Variants in TGFA observed in about 807,000 individuals in gnomAD.
TGFA encodes transforming growth factor alpha.
A neutral mutation model predicts 21.7 loss-of-function variants in TGFA; 12 were observed. The observed-to-expected ratio is 0.55, with a 90% CI of 0.35 to 0.90. The LOEUF (loss-of-function observed/expected upper bound fraction) is 0.90. TGFA is among the 40% of genes least tolerant of loss of function. The probability of loss-of-function intolerance (pLI) is 0.01; values close to 1 mark genes in which losing one functional copy is unlikely to be tolerated. For missense variants in TGFA, 178 were observed against 210.8 expected (o/e 0.84, Z 0.96); for synonymous variants, 79 against 88.1 (o/e 0.90, Z 0.58).
chr2:70,510,597 C>A (rs782765553), intron 2 of TGFA, among the ~76,000 whole-genome samples: 1 of 152,144 alleles, frequency 6.6e-6, no homozygotes, highest in Non-Finnish European at 1.5e-5. Flanking sequence ...AAAACTGAGA[C>A]CAAATGGCCC....
At chr2:70,527,693 A>G (rs1672680869) in intron 1 of TGFA, among the ~76,000 whole-genome samples, 1 of 152,230 alleles carries the variant, frequency 6.6e-6, no homozygotes, top group Non-Finnish European at 1.5e-5. Flanking sequence ...ACACCAATGC[A>G]GGATGTTAAT....
At position 70,550,858 on chromosome 2, in the gene TGFA, C is replaced by CA. The variant is rs1479283576; in HGVS notation, c.40+2869dup. Among the ~76,000 whole-genome samples the CA allele has an allele frequency of 4.6e-5, 7 of 152,208 alleles. No individual in the cohort carries two copies. The South Asian group carries it at 6.2e-4, about 14-fold the overall frequency. ...ACCAAAAAAACAAAAGAAAACAAAA[C>CA]AAAAAAACCCTCCAGATTTGCTTGA... On this transcript the variant is annotated intron_variant, in intron 1 of 5. Coordinates refer to ENST00000295400, the MANE Select transcript of TGFA (RefSeq NM_003236.4).
At chr2:70,518,728 G>A (rs1389690152) in intron 1 of TGFA, among the ~76,000 whole-genome samples, 1 of 152,132 alleles carries the variant, frequency 6.6e-6, no homozygotes, top group Admixed American at 6.5e-5. Flanking sequence ...CATTGGCCTG[G>A]TGACCACCTC....
At chr2:70,510,997 C>T (rs1178426900) in intron 2 of TGFA, among the ~76,000 whole-genome samples, 1 of 152,012 alleles carries the variant, frequency 6.6e-6, no homozygotes, top group Non-Finnish European at 1.5e-5. Context: ...AAAAAAAATG[C>T]ACAAGAAAGC....
At chr2:70,480,513 C>T (rs1477291036) in intron 2 of TGFA, among the ~76,000 whole-genome samples, 1 of 152,058 alleles carries the variant, frequency 6.6e-6, no homozygotes, top group African/African-American at 2.4e-5. Flanking sequence ...GTAGATTGGA[C>T]TAAGGGAGGA....
intron 1 of TGFA, among the ~76,000 whole-genome samples, chr2:70,544,484 A>G (rs1049561087): frequency 3.3e-5 from 5 of 152,182 alleles, no homozygotes; most frequent in African/African-American, 1.2e-4. Flanking sequence ...ATGAAAAAAA[A>G]GCTTTTATAT....
chr2:70,495,245 T>G (rs1190575698), intron 2 of TGFA, among the ~76,000 whole-genome samples: 1 of 152,202 alleles, frequency 6.6e-6, no homozygotes, highest in African/African-American at 2.4e-5. Context: ...CATAACTGGG[T>G]TTCTTTTGGA....
chr2:70,553,645 AC>A lies in TGFA; in HGVS notation c.40+82del, dbSNP rs1486594453. 5 of 1,300,048 alleles carry A rather than the reference AC, an allele frequency of 3.8e-6. No homozygotes were observed. In the African/African-American group the frequency reaches 4.6e-5, roughly 12 times the overall value. The allele number at this position is 1,300,048 out of a possible 1,614,324, so 80.5% of individuals were successfully genotyped here. A position where few individuals can be genotyped will look rare whatever the true frequency, so the allele number is the denominator to read the frequency against. Reference sequence around the variant, plus strand: ...TCCACTCTCCCAGGCGGGCGCAGAAACCCCCGGAAAGGGGAACTCGGCGGGG... The same window carrying A: ...TCCACTCTCCCAGGCGGGCGCAGAAACCCCGGAAAGGGGAACTCGGCGGGG... On this transcript the variant is annotated intron_variant, in intron 1 of 5. Transcript: ENST00000295400.
chr2:70,500,942 T>G (rs1197561291), intron 2 of TGFA, among the ~76,000 whole-genome samples: 1 of 150,160 alleles, frequency 6.7e-6, no homozygotes, highest in African/African-American at 2.5e-5. Flanking sequence ...TATTTTGTTT[T>G]TGTTGCCTGT....
intron 1 of TGFA, among the ~76,000 whole-genome samples, chr2:70,551,369 C>T (rs1281208311): frequency 6.6e-6 from 1 of 152,206 alleles, no homozygotes; most frequent in African/African-American, 2.4e-5. Context: ...ATTTGGGCAA[C>T]AGTCTTCACA....
chr2:70,513,398 A>G (rs949694150), intron 2 of TGFA, among the ~76,000 whole-genome samples: 9 of 152,208 alleles, frequency 5.9e-5, no homozygotes, highest in African/African-American at 1.9e-4. Context: ...TCCTTTGTGG[A>G]TGGGAGGTAA....
At chr2:70,545,216 G>C (rs1280208378) in intron 1 of TGFA, among the ~76,000 whole-genome samples, 3 of 151,956 alleles carry the variant, frequency 2.0e-5, no homozygotes, top group African/African-American at 7.3e-5. Context: ...AGGACACGAA[G>C]GAGACGAAGG....
intron 2 of TGFA, 134 bp downstream of exon 2, chr2:70,514,725 G>T: frequency 2.1e-6 from 2 of 934,684 alleles, no homozygotes; most frequent in Non-Finnish European, 3.4e-6. Flanking sequence ...CCTGAGGAGG[G>T]GGCAGAGAGG....
chr2:70,516,344 C>T (rs1553501600), intron 1 of TGFA, among the ~76,000 whole-genome samples: 1 of 152,158 alleles, frequency 6.6e-6, no homozygotes, highest in African/African-American at 2.4e-5. Flanking sequence ...AGGGTGTAGA[C>T]ACAGAAGTCC....
chr2:70,514,207 T>C (rs1273445305), intron 2 of TGFA, among the ~76,000 whole-genome samples: 3 of 152,048 alleles, frequency 2.0e-5, no homozygotes, highest in African/African-American at 7.2e-5. Context: ...GCCCCAACAT[T>C]TGAGCTTAAA....
At chr2:70,521,570 A>G (rs1324472744) in intron 1 of TGFA, among the ~76,000 whole-genome samples, 1 of 151,258 alleles carries the variant, frequency 6.6e-6, no homozygotes, top group Admixed American at 6.6e-5. Flanking sequence ...AACATGCAAC[A>G]AATGGTAGCT....
At chr2:70,482,265 T>C (rs770573918) in intron 2 of TGFA, among the ~76,000 whole-genome samples, 20 of 152,226 alleles carry the variant, frequency 1.3e-4, no homozygotes, top group Non-Finnish European at 2.5e-4. Flanking sequence ...ATAAAAGCCC[T>C]GTGATATAGG....
chr2:70,501,245 C>CT (rs1206433472), intron 2 of TGFA, among the ~76,000 whole-genome samples: 1 of 148,874 alleles, frequency 6.7e-6, no homozygotes, highest in Non-Finnish European at 1.5e-5. Context: ...TTAAAGTGCT[C>CT]TTTGCTTGCA....
intron 1 of TGFA, among the ~76,000 whole-genome samples, chr2:70,550,320 A>G (rs1243771602): frequency 6.6e-6 from 1 of 152,078 alleles, no homozygotes; most frequent in Non-Finnish European, 1.5e-5. Flanking sequence ...ATCTCATTTG[A>G]GTCTTACAAC....
Sources: gnomAD v4.1 joint callset for allele counts (sites outside exome capture counted in the v4.1 genomes callset) on GRCh38, gnomAD v4.1.1 for gene constraint, MANE v1.5 for transcripts, NCBI Gene and HGNC (gene_info 2026-07-23, HGNC 2026-07-21) for gene names.